Variants in SEPTIN7 observed in about 807,000 individuals in gnomAD.
The protein encoded by SEPTIN7 is septin 7.
A neutral mutation model predicts 63.3 loss-of-function variants in SEPTIN7; 10 were observed. The observed-to-expected ratio is 0.16, with a 90% CI of 0.10 to 0.27. SEPTIN7 has a LOEUF of 0.27. Ranked by LOEUF, SEPTIN7 falls within the 10% of genes least tolerant of loss-of-function variation. SEPTIN7 has a pLI of 1.00. For synonymous variants in SEPTIN7, 131 were observed against 165.3 expected (o/e 0.79, Z 1.59); for missense variants, 310 against 521.0 (o/e 0.59, Z 3.94).
chr7:35,810,887 C>A (rs1225515090), intron 1 of SEPTIN7, among the ~76,000 whole-genome samples: 1 of 152,042 alleles, frequency 6.6e-6, no homozygotes, highest in East Asian at 1.9e-4. Flanking sequence ...CTGCCTCAGC[C>A]TCCCGAGTAG....
intron 2 of SEPTIN7, chr7:35,832,247 A>C (rs1783868265): frequency 5.7e-6 from 2 of 352,814 alleles, no homozygotes; most frequent in Admixed American, 4.0e-5. Context: ...TAACAGCTTG[A>C]ATGATACTGT....
intron 4 of SEPTIN7, among the ~76,000 whole-genome samples, chr7:35,864,066 G>A (rs1295535145): frequency 6.6e-6 from 1 of 151,714 alleles, no homozygotes; most frequent in Non-Finnish European, 1.5e-5. Context: ...TTTGCAGCAC[G>A]TATATGAAGA....
At chr7:35,907,930 T>C (rs1326108933), downstream of SEPTIN7, among the ~76,000 whole-genome samples, 1 of 152,214 alleles carries the variant, frequency 6.6e-6, no homozygotes, top group Non-Finnish European at 1.5e-5. Flanking sequence ...CTCGAGAATG[T>C]GACAATCTGC....
intron 6 of SEPTIN7, 61 bp from the exon 7 acceptor site, chr7:35,879,762 G>C: frequency 2.3e-6 from 2 of 886,418 alleles, no homozygotes; most frequent in Non-Finnish European, 3.7e-6. Context: ...CATTGGGGAT[G>C]TGAAGAATCT....
chr7:35,868,084 G>A (rs1354967737), intron 4 of SEPTIN7, among the ~76,000 whole-genome samples: 1 of 152,052 alleles, frequency 6.6e-6, no homozygotes, highest in African/African-American at 2.4e-5. Flanking sequence ...TGGCCAGGCT[G>A]GTCTCGAACT....
At chr7:35,820,560 C>G (rs1171669799) in intron 1 of SEPTIN7, among the ~76,000 whole-genome samples, 1 of 152,050 alleles carries the variant, frequency 6.6e-6, no homozygotes, top group African/African-American at 2.4e-5. Flanking sequence ...TTTTTTAACT[C>G]CAGAATTTTT....
downstream of SEPTIN7, among the ~76,000 whole-genome samples, chr7:35,909,333 CATT>C (rs1168264438): frequency 6.6e-6 from 1 of 152,200 alleles, no homozygotes; most frequent in Non-Finnish European, 1.5e-5. Context: ...ATCTCCACCT[CATT>C]AGTGCCTATT....
intron 7 of SEPTIN7, among the ~76,000 whole-genome samples, chr7:35,880,765 T>A (rs1786827393): frequency 1.3e-5 from 2 of 152,048 alleles, no homozygotes; most frequent in African/African-American, 2.4e-5. Flanking sequence ...AGATTAAGAG[T>A]CTCATGCTGT....
the SEPTIN7 span, among the ~76,000 whole-genome samples, chr7:35,914,523 G>A: frequency 2.5e-4 from 38 of 151,978 alleles, no homozygotes; most frequent in African/African-American, 8.5e-4. Flanking sequence ...TTCTTCCCTG[G>A]GTCTCCACAC....
intron 11 of SEPTIN7, among the ~76,000 whole-genome samples, chr7:35,894,852 G>A: frequency 6.6e-6 from 1 of 152,124 alleles, no homozygotes; most frequent in East Asian, 1.9e-4. Flanking sequence ...CATATGTAAT[G>A]CAGCAAAGTA....
At chr7:35,843,185 T>G (rs1784492940) in intron 3 of SEPTIN7, among the ~76,000 whole-genome samples, 1 of 152,154 alleles carries the variant, frequency 6.6e-6, no homozygotes. Flanking sequence ...AGGGAGGTAA[T>G]GGATTAGTTA....
At chr7:35,858,681 CTT>C (rs376678701) in intron 3 of SEPTIN7, among the ~76,000 whole-genome samples, 27 of 127,228 alleles carry the variant, frequency 2.1e-4, no homozygotes, top group Non-Finnish European at 2.7e-4. Context: ...TTTTCTTTTT[CTT>C]TTTTTTTTTT....
In SEPTIN7 at chr7:35,829,128, C is replaced by CTTTTTTTTTTTTTTTTTTTTTT. The variant is rs71553032; in HGVS notation, c.62-2361_62-2340dup. 2.5e-4 allele frequency among the ~76,000 whole-genome samples: 15 copies of CTTTTTTTTTTTTTTTTTTTTTT among 61,062 alleles called. 2 individuals are homozygous for CTTTTTTTTTTTTTTTTTTTTTT. The highest frequency in any genetic ancestry group is 3.8e-4 in the Non-Finnish European group (13 of 34,554). 40.1% of individuals were successfully genotyped at this position (61,062 alleles called of 152,430 possible). ...CACTTCATTATAGTTCATGGACCTT[C>CTTTTTTTTTTTTTTTTTTTTTT]TTTTTTTTTTTTTTTTTTTTTTTTG... On this transcript the variant is annotated intron_variant, in intron 1 of 13. Coordinates refer to ENST00000350320, the MANE Select transcript of SEPTIN7 (RefSeq NM_001788.6).
intron 12 of SEPTIN7, chr7:35,898,743 C>CA (rs1445883854): frequency 6.2e-6 from 1 of 162,316 alleles, no homozygotes; most frequent in Admixed American, 6.3e-5. Flanking sequence ...TTTATGCACA[C>CA]AAACTGTGTT....
chr7:35,815,495 T>A (rs1423465333), intron 1 of SEPTIN7, among the ~76,000 whole-genome samples: 1 of 152,222 alleles, frequency 6.6e-6, no homozygotes, highest in East Asian at 1.9e-4. Context: ...AACTCTTTTC[T>A]TCAACATTGA....
intron 7 of SEPTIN7, among the ~76,000 whole-genome samples, 177 bp from the exon 8 acceptor site, chr7:35,882,302 TAAAAA>T (rs148408656): frequency 3.1e-4 from 43 of 140,478 alleles, no homozygotes; most frequent in African/African-American, 1.1e-3. Flanking sequence ...ACTTCATAGT[TAAAAA>T]AAAAAAAAAG....
chr7:35,876,978 A>C (rs1431112542), intron 6 of SEPTIN7, among the ~76,000 whole-genome samples: 2 of 152,052 alleles, frequency 1.3e-5, no homozygotes, highest in East Asian at 3.9e-4. Context: ...AAGAAAAAAA[A>C]ATTAGCTGGG....
At chr7:35,801,013 C>T (rs1021832448), upstream of SEPTIN7, 11 of 453,440 alleles carry the variant, frequency 2.4e-5, no homozygotes, top group South Asian at 4.1e-5. Context: ...CCGCTAGGCC[C>T]GGAAGCCTCG....
intron 1 of SEPTIN7, chr7:35,802,240 TC>T (rs2115608258): frequency 2.8e-6 from 1 of 353,320 alleles, no homozygotes; most frequent in Non-Finnish European, 5.8e-6. Flanking sequence ...ATTTACATTT[TC>T]CACTCCTGAG....
Sources: gnomAD v4.1 joint callset for allele counts (sites outside exome capture counted in the v4.1 genomes callset) on GRCh38, gnomAD v4.1.1 for gene constraint, MANE v1.5 for transcripts, NCBI Gene and HGNC (gene_info 2026-07-23, HGNC 2026-07-21) for gene names.